SNX16: variants seen among roughly 807,000 people sequenced by gnomAD.
The protein encoded by SNX16 is sorting nexin-16.
SNX16 carries 35 observed loss-of-function variants against 36.7 expected under a neutral mutation model. That is an observed-to-expected ratio of 0.95 (90% CI 0.73 to 1.27). SNX16 has a LOEUF of 1.27. SNX16 is among the 50% of genes most tolerant of loss of function. The pLI, the probability that SNX16 is intolerant of heterozygous loss-of-function variation, is 0.00. For synonymous variants in SNX16, 134 were observed against 132.0 expected, an observed-to-expected ratio of 1.02 and a Z score of -0.10; for missense variants, 367 against 393.6, an observed-to-expected ratio of 0.93 and a Z score of 0.57.
At chr8:81,827,527 T>C (rs1312671977) in intron 3 of SNX16, among the ~76,000 whole-genome samples, 1 of 152,158 alleles carries the variant, frequency 6.6e-6, no homozygotes, top group African/African-American at 2.4e-5. Context: ...CAGTATAATA[T>C]ATGAAGCTCA....
intron 5 of SNX16, chr8:81,808,267 A>G (rs1049936417): frequency 4.4e-5 from 51 of 1,169,208 alleles, no homozygotes; most frequent in East Asian, 1.6e-4. Flanking sequence ...GGTCATTCAG[A>G]AACACTATAC....
intron 5 of SNX16, chr8:81,815,018 C>T (rs142314718): frequency 6.1e-6 from 1 of 163,554 alleles, no homozygotes; most frequent in African/African-American, 2.4e-5. Context: ...TCAGTTTACA[C>T]ATAGTATTAT....
Position 81,802,468 on chromosome 8 carries a change from C to T in SNX16, c.850G>A (p.Asp284Asn). 6.2e-7 allele frequency: 1 copy of T among 1,608,822 alleles called. No individual in the cohort carries two copies. Among genetic ancestry groups the T allele is most frequent in the Non-Finnish European group, 8.5e-7 (1 of 1,176,924 alleles). ...TGTTCACCTTCTGTTTCTGACACAT[C>T]CAGTGATTCTTCAGGTTCTAAAGAC... ...TLSLEPEESL[D>N]VSETEGEQIL... Residue 284 changes from aspartate (D) to asparagine (N), a missense_variant, in exon 7 of 8, where the codon GAT becomes AAT. Transcript: ENST00000345957.
chr8:81,811,017 AT>A (rs1810217070), intron 5 of SNX16, among the ~76,000 whole-genome samples: 1 of 152,222 alleles, frequency 6.6e-6, no homozygotes, highest in Admixed American at 6.5e-5. Context: ...AAAAGGGCTA[AT>A]TTAAAAATTA....
chr8:81,826,602 C>A (rs572554797), intron 3 of SNX16, among the ~76,000 whole-genome samples: 1 of 152,190 alleles, frequency 6.6e-6, no homozygotes, highest in African/African-American at 2.4e-5. Flanking sequence ...AAGCCCTGTG[C>A]ATTCCAGAAT....
intron 3 of SNX16, among the ~76,000 whole-genome samples, chr8:81,828,992 C>T (rs1811129600): frequency 6.6e-6 from 1 of 152,214 alleles, no homozygotes; most frequent in African/African-American, 2.4e-5. Flanking sequence ...GCCCAGCTAA[C>T]AGCTTGATTT....
chr8:81,829,277 A>G (rs906191149), intron 3 of SNX16, among the ~76,000 whole-genome samples, 153 bp downstream of exon 3: 6 of 151,922 alleles, frequency 3.9e-5, no homozygotes, highest in African/African-American at 1.4e-4. Context: ...TTTATGCTAA[A>G]AATTTTTATT....
rs77057724 is a variant in SNX16 at position 81,800,988 on chromosome 8, G to A, written c.*509C>T. ...ATTTCAAATAAGCAAATTTTATTTA[G>A]AGATGTAAACATGTAAACATTAAAA... is the stretch of plus-strand genomic sequence containing the variant. On this transcript the variant is annotated 3_prime_UTR_variant, in exon 8 of 8. Coordinates refer to ENST00000345957, the MANE Select transcript of SNX16 (RefSeq NM_152836.3). 0.15 allele frequency: 23,545 copies of A among 151,924 alleles called. 2,385 individuals carry two copies. Among genetic ancestry groups the A allele is most frequent in the South Asian group, 0.25 (1,190 of 4,806 alleles). The allele number at this position is 151,924 out of a possible 1,614,324, so 9.4% of individuals were successfully genotyped here. A position where few individuals can be genotyped will look rare whatever the true frequency, so the allele number is the denominator to read the frequency against.
At chr8:81,812,051 C>T (rs1016397254) in intron 5 of SNX16, among the ~76,000 whole-genome samples, 2 of 151,850 alleles carry the variant, frequency 1.3e-5, no homozygotes, top group African/African-American at 4.8e-5. Flanking sequence ...AAGAGGGGCT[C>T]AACAGGAGAT....
At chr8:81,810,372 G>A (rs906899644) in intron 5 of SNX16, among the ~76,000 whole-genome samples, 3 of 152,060 alleles carry the variant, frequency 2.0e-5, no homozygotes, top group African/African-American at 7.2e-5. Flanking sequence ...CTTTGAATAA[G>A]TTTAATTTTA....
chr8:81,830,013 A>C (rs971509727), intron 2 of SNX16, among the ~76,000 whole-genome samples: 1 of 152,206 alleles, frequency 6.6e-6, no homozygotes, highest in African/African-American at 2.4e-5. Context: ...AAGAAGTCAA[A>C]CTATGTGATT....
chr8:81,814,751 C>A (rs997539785), intron 5 of SNX16: 1 of 152,060 alleles, frequency 6.6e-6, no homozygotes, highest in African/African-American at 2.4e-5. Context: ...CCAATTAAAT[C>A]TGTTCCATTT....
chr8:81,804,086 A>G (rs1809830326), intron 5 of SNX16, among the ~76,000 whole-genome samples: 1 of 152,022 alleles, frequency 6.6e-6, no homozygotes, highest in South Asian at 2.1e-4. Context: ...CTGGGAGTAG[A>G]TGTCATAAAA....
At chr8:81,827,984 C>T (rs1010513495) in intron 3 of SNX16, among the ~76,000 whole-genome samples, 1 of 152,128 alleles carries the variant, frequency 6.6e-6, no homozygotes, top group African/African-American at 2.4e-5. Flanking sequence ...TCCAAAATAT[C>T]ACACCCTCTG....
At chr8:81,814,918 C>A (rs1810411439) in intron 5 of SNX16, 1 of 152,620 alleles carries the variant, frequency 6.6e-6, no homozygotes, top group Non-Finnish European at 1.5e-5. Context: ...ACAAGCTAAA[C>A]CGATAACAAG....
At chr8:81,839,468 T>G in intron 2 of SNX16, 144 bp downstream of exon 2, 1 of 858,840 alleles carries the variant, frequency 1.2e-6, no homozygotes, top group South Asian at 2.1e-5. Context: ...TACAACATGA[T>G]AGAATTCAGT....
At position 81,800,232 on chromosome 8, in the gene SNX16, C is replaced by G. The variant is rs541210126; in HGVS notation, c.*1265G>C. ...TTCCCTCAGTTTTTAGAAAGCATAC[C>G]GACTGGGATTGCAAAATGCCAGCAT... On this transcript the variant is annotated 3_prime_UTR_variant, in exon 8 of 8. Transcript: ENST00000345957. 1 of 151,650 alleles carries G rather than the reference C, an allele frequency of 6.6e-6. No individual in the cohort carries two copies. The highest frequency in any genetic ancestry group is 2.1e-4 in the South Asian group (1 of 4,816). The allele number at this position is 151,650 out of a possible 1,614,324, so 9.4% of individuals were successfully genotyped here.
chr8:81,836,379 TAC>T (rs952161049), intron 2 of SNX16, among the ~76,000 whole-genome samples: 4 of 152,218 alleles, frequency 2.6e-5, no homozygotes, highest in Non-Finnish European at 5.9e-5. Context: ...CTTATATGTA[TAC>T]ACACACATTA....
At chr8:81,809,586 C>A (rs1810130115) in intron 5 of SNX16, among the ~76,000 whole-genome samples, 1 of 152,072 alleles carries the variant, frequency 6.6e-6, no homozygotes, top group Admixed American at 6.5e-5. Flanking sequence ...ATGGAAGATG[C>A]CAGACCTGGC....
Sources: gnomAD v4.1 joint callset for allele counts (sites outside exome capture counted in the v4.1 genomes callset) on GRCh38, gnomAD v4.1.1 for gene constraint, MANE v1.5 for transcripts, NCBI Gene and HGNC (gene_info 2026-07-23, HGNC 2026-07-21) for gene names.